The following GRM8 variants were observed in gnomAD, a reference collection of about 807,000 sequenced individuals.
GRM8 encodes the protein glutamate metabotropic receptor 8.
Under a neutral mutation model 87.2 loss-of-function variants are expected in GRM8, and 47 were observed. The ratio of observed to expected loss-of-function variants is 0.54; its 90% CI spans 0.43 to 0.69. The LOEUF (loss-of-function observed/expected upper bound fraction) is 0.69. Ranked by LOEUF, GRM8 falls within the 30% of genes least tolerant of loss-of-function variation. The pLI is 0.00. For missense variants in GRM8, 1,019 were observed against 1,139.2 expected (o/e 0.89, Z 1.52); for synonymous variants, 396 against 404.5 (o/e 0.98, Z 0.25).
At chr7:126,903,620 T>C (rs1802335920) in intron 5 of GRM8, among the ~76,000 whole-genome samples, 2 of 139,164 alleles carry the variant, frequency 1.4e-5, no homozygotes, top group Admixed American at 7.4e-5. Flanking sequence ...TATATACATA[T>C]ATATATGTAT....
intron 7 of GRM8, among the ~76,000 whole-genome samples, chr7:126,683,894 T>C (rs1205734748): frequency 6.6e-6 from 1 of 152,136 alleles, no homozygotes; most frequent in East Asian, 1.9e-4. Context: ...GCACTCCCTT[T>C]TGTGTGAGAT....
At chr7:126,658,608 T>C (rs970954617) in intron 7 of GRM8, among the ~76,000 whole-genome samples, 3 of 151,610 alleles carry the variant, frequency 2.0e-5, no homozygotes, top group Admixed American at 1.3e-4. Flanking sequence ...GGTTTATCTG[T>C]TAACAGTTTA....
intron 7 of GRM8, among the ~76,000 whole-genome samples, chr7:126,648,728 CAT>C (rs1472194357): frequency 2.6e-5 from 4 of 152,202 alleles, no homozygotes; most frequent in African/African-American, 7.2e-5. Context: ...TTATCTGAAA[CAT>C]ACACACAAAC....
At chr7:126,905,963 T>G (rs544005827) in intron 3 of GRM8, among the ~76,000 whole-genome samples, 3 of 152,194 alleles carry the variant, frequency 2.0e-5, no homozygotes, top group African/African-American at 7.2e-5. Context: ...TTGGAAACAA[T>G]GACCAGGTCC....
At chr7:126,662,556 A>G (rs1016414010) in intron 7 of GRM8, among the ~76,000 whole-genome samples, 1 of 152,212 alleles carries the variant, frequency 6.6e-6, no homozygotes, top group African/African-American at 2.4e-5. Context: ...GCAGGAAGGC[A>G]TATCTAAAGA....
At chr7:126,671,925 C>T (rs1002219307) in intron 7 of GRM8, among the ~76,000 whole-genome samples, 6 of 152,070 alleles carry the variant, frequency 3.9e-5, no homozygotes, top group Admixed American at 2.6e-4. Context: ...GGAGTCCATG[C>T]GACCCCCGCT....
At chr7:126,806,795 G>C (rs981217897) in intron 6 of GRM8, among the ~76,000 whole-genome samples, 1 of 152,178 alleles carries the variant, frequency 6.6e-6, no homozygotes, top group East Asian at 1.9e-4. Context: ...CGGCTGTGCC[G>C]CTGAGTGCGG....
rs142993812 is a variant in GRM8, at chr7:126,840,863, T to A, written c.1156+61679A>T. Among the ~76,000 whole-genome samples, 361 of 152,356 alleles carry A rather than the reference T, an allele frequency of 2.4e-3. 3 individuals carry two copies. Among genetic ancestry groups the A allele is most frequent in the African/African-American group, 8.4e-3 (351 of 41,582 alleles). On this transcript the variant is annotated intron_variant, in intron 6 of 10. Transcript: ENST00000339582. ...TTAGAGCTTGTTTTTATAAACAATGTTTGTTAGATTACTCTTGCCCCTATC... is the reference window on the plus strand; with the variant it reads ...TTAGAGCTTGTTTTTATAAACAATGATTGTTAGATTACTCTTGCCCCTATC...
intron 2 of GRM8, among the ~76,000 whole-genome samples, chr7:127,139,549 C>T (rs1314969268): frequency 6.6e-6 from 1 of 152,114 alleles, no homozygotes; most frequent in Admixed American, 6.5e-5. Context: ...TACCCCAGAG[C>T]AAAGACTTTA....
At chr7:126,971,798 T>C (rs1810457905) in intron 3 of GRM8, among the ~76,000 whole-genome samples, 1 of 152,096 alleles carries the variant, frequency 6.6e-6, no homozygotes, top group Non-Finnish European at 1.5e-5. Context: ...TCCGGGTGTA[T>C]AAGGCAAAAG....
chr7:126,720,756 C>T (rs1378265061), intron 7 of GRM8, among the ~76,000 whole-genome samples: 2 of 152,098 alleles, frequency 1.3e-5, no homozygotes, highest in African/African-American at 2.4e-5. Context: ...AATACTTCCT[C>T]GACCAAAGGT....
chr7:127,204,724 G>A (rs1795808056), intron 2 of GRM8, among the ~76,000 whole-genome samples: 1 of 151,646 alleles, frequency 6.6e-6, no homozygotes, highest in Admixed American at 6.6e-5. Context: ...CTTTTTTAGT[G>A]CTTCAAATAA....
chr7:126,934,860 C>T (rs1370258415), intron 3 of GRM8, among the ~76,000 whole-genome samples: 1 of 152,122 alleles, frequency 6.6e-6, no homozygotes, highest in African/African-American at 2.4e-5. Context: ...TTGTGCAAAG[C>T]CACAGGATAA....
In GRM8 at chr7:126,554,449, C is replaced by G. The variant is rs972467524; in HGVS notation, c.1495-20562G>C. 2.0e-5 allele frequency among the ~76,000 whole-genome samples: 3 copies of G among 148,924 alleles called. No homozygotes were observed. In the Admixed American group the frequency reaches 2.0e-4, roughly 10 times the overall value. On this transcript the variant is annotated intron_variant, in intron 8 of 10. Transcript: ENST00000339582. ...AATAATAATAATAATAATAATTAGC[C>G]TGATGTGGTAGCACATGCCTGTAGT...
Position 126,867,534 on chromosome 7 carries a change from C to T in GRM8, c.1156+35008G>A, listed in dbSNP as rs181826488. 2.4e-3 allele frequency among the ~76,000 whole-genome samples: 363 copies of T among 152,264 alleles called. 2 individuals are homozygous for T. Among genetic ancestry groups the T allele is most frequent in the Non-Finnish European group, 3.7e-3 (249 of 68,018 alleles). The stretch of plus-strand genomic sequence containing the variant: ...AAGAAAAAGCAGAGGTGCTTTATAA[C>T]ATGGTAAATCCCAGTAAGTAATTCT... On this transcript the variant is annotated intron_variant, in intron 6 of 10. Coordinates refer to ENST00000339582, the MANE Select transcript of GRM8 (RefSeq NM_000845.3).
At chr7:126,537,779 A>AAAC (rs1562935653) in intron 8 of GRM8, among the ~76,000 whole-genome samples, 13 of 152,122 alleles carry the variant, frequency 8.5e-5, no homozygotes, top group African/African-American at 2.9e-4. Flanking sequence ...TCCGTCAAAA[A>AAAC]AAACAAACAA....
At chr7:127,037,493 T>C (rs1817951208) in intron 3 of GRM8, among the ~76,000 whole-genome samples, 2 of 152,178 alleles carry the variant, frequency 1.3e-5, no homozygotes, top group Admixed American at 1.3e-4. Flanking sequence ...TGGTCCCTCT[T>C]GCTCTGTTCT....
chr7:126,703,800 A>C (rs1452169754), intron 7 of GRM8, among the ~76,000 whole-genome samples: 1 of 152,120 alleles, frequency 6.6e-6, no homozygotes, highest in Non-Finnish European at 1.5e-5. Context: ...GGGCTCAAGC[A>C]ATCCTCCAGC....
At chr7:127,184,423 A>G (rs1794634878) in intron 2 of GRM8, among the ~76,000 whole-genome samples, 2 of 151,932 alleles carry the variant, frequency 1.3e-5, no homozygotes, top group Admixed American at 6.6e-5. Flanking sequence ...TACTTGGTAC[A>G]GAAAAGGCAT....
Sources: gnomAD v4.1 joint callset for allele counts (sites outside exome capture counted in the v4.1 genomes callset) on GRCh38, gnomAD v4.1.1 for gene constraint, MANE v1.5 for transcripts, NCBI Gene and HGNC (gene_info 2026-07-23, HGNC 2026-07-21) for gene names.